EFCAB6: variants seen among roughly 807,000 people sequenced by gnomAD.
The protein encoded by EFCAB6 is EF-hand calcium binding domain 6.
EFCAB6 carries 156 observed loss-of-function variants against 169.8 expected under a neutral mutation model. The observed-to-expected ratio is 0.92, with a 90% CI of 0.81 to 1.05. The LOEUF (loss-of-function observed/expected upper bound fraction) is 1.05, where lower values mean the gene tolerates loss of function less well. Among genes scored for constraint, EFCAB6 ranks in the 50% least tolerant of loss-of-function variants. The probability of loss-of-function intolerance (pLI) is 0.00; values close to 1 mark genes in which losing one functional copy is unlikely to be tolerated. For missense variants in EFCAB6, 1,800 were observed against 1,829.1 expected, an observed-to-expected ratio of 0.98 and a Z score of 0.29; for synonymous variants, 698 against 676.4, an observed-to-expected ratio of 1.03 and a Z score of -0.50.
rs182427520 is a variant in EFCAB6 at position 43,760,810 on chromosome 22, G to A, written c.440+4495C>T. Reference sequence around the variant, plus strand: ...AGCAAGTAGCTAGGACCACAGGCACGCGCCACCACATGCGGCTAATTTTTG... The same window carrying A: ...AGCAAGTAGCTAGGACCACAGGCACACGCCACCACATGCGGCTAATTTTTG... On this transcript the variant is annotated intron_variant, in intron 5 of 31. Transcript: ENST00000262726. Among the ~76,000 whole-genome samples the A allele has an allele frequency of 5.3e-5, 8 of 152,208 alleles. No homozygotes were observed. The South Asian group carries it at 1.0e-3, about 20-fold the overall frequency.
chr22:43,536,992 G>A (rs114598736), intron 29 of EFCAB6: 2 of 168,318 alleles, frequency 1.2e-5, no homozygotes, highest in African/African-American at 2.4e-5. Flanking sequence ...ACATCAAAGA[G>A]TGAATGTTGA....
At chr22:43,768,886 G>C (rs2061392555) in intron 4 of EFCAB6, among the ~76,000 whole-genome samples, 1 of 152,174 alleles carries the variant, frequency 6.6e-6, no homozygotes, top group Non-Finnish European at 1.5e-5. Flanking sequence ...TTGGCATAAA[G>C]TATCACTTAA....
In EFCAB6 at chr22:43,676,621, A is replaced by C. The variant is rs185188751; in HGVS notation, c.1419+1375T>G. Among the ~76,000 whole-genome samples the C allele has an allele frequency of 3.3e-3, 501 of 152,276 alleles. 1 individual carries two copies. The highest frequency in any genetic ancestry group is 5.0e-3 in the Non-Finnish European group (339 of 68,022). On this transcript the variant is annotated intron_variant, in intron 13 of 31. Coordinates refer to ENST00000262726, the MANE Select transcript of EFCAB6 (RefSeq NM_022785.4). ...TACAATGAATTTCTGTTACTTGTGT[A>C]ATCACAAAACATTTGAATAAGTTAT...
chr22:43,663,168 A>C (rs190719692), intron 17 of EFCAB6, among the ~76,000 whole-genome samples: 3 of 152,322 alleles, frequency 2.0e-5, no homozygotes, highest in Admixed American at 1.3e-4. Flanking sequence ...CAGCAATGAC[A>C]CTCATCATCA....
chr22:43,747,715 C>T (rs1422321106), intron 6 of EFCAB6, among the ~76,000 whole-genome samples: 1 of 152,148 alleles, frequency 6.6e-6, no homozygotes, highest in East Asian at 1.9e-4. Context: ...AATTCCTAGA[C>T]TTAATGAGCC....
At chr22:43,807,698 A>T (rs1207913694) in intron 2 of EFCAB6, among the ~76,000 whole-genome samples, 3 of 152,184 alleles carry the variant, frequency 2.0e-5, no homozygotes, top group Non-Finnish European at 4.4e-5. Flanking sequence ...GGAAATTATC[A>T]CTCGACTAAA....
intron 17 of EFCAB6, among the ~76,000 whole-genome samples, chr22:43,660,211 C>T (rs571160138): frequency 6.6e-6 from 1 of 152,336 alleles, no homozygotes; most frequent in South Asian, 2.1e-4. Context: ...CTCAATTTAA[C>T]TAATCTTAGC....
At chr22:43,782,437 A>ATT in intron 2 of EFCAB6, 112 bp from the exon 3 acceptor site, 1 of 881,332 alleles carries the variant, frequency 1.1e-6, no homozygotes, top group Non-Finnish European at 1.7e-6. Context: ...TGTAAAAATG[A>ATT]TGCTAGTCAT....
chr22:43,737,064 C>A (rs1348670692), intron 6 of EFCAB6, among the ~76,000 whole-genome samples: 1 of 152,082 alleles, frequency 6.6e-6, no homozygotes, highest in East Asian at 1.9e-4. Flanking sequence ...ACTCCCTCCT[C>A]CCCTCTGCCC....
intron 2 of EFCAB6, chr22:43,802,669 GA>G: frequency 7.9e-6 from 4 of 503,278 alleles, no homozygotes; most frequent in South Asian, 2.9e-5. Flanking sequence ...TACACAAAGG[GA>G]AAAAGGGAAA....
chr22:43,806,853 T>C (rs770724719), intron 2 of EFCAB6, among the ~76,000 whole-genome samples: 2 of 152,242 alleles, frequency 1.3e-5, no homozygotes, highest in Non-Finnish European at 1.5e-5. Context: ...TTAAGTCTTA[T>C]AGGTGTGCTT....
chr22:43,574,977 A>G (rs752683078), intron 26 of EFCAB6, among the ~76,000 whole-genome samples: 10 of 152,192 alleles, frequency 6.6e-5, no homozygotes, highest in East Asian at 1.9e-4. Flanking sequence ...GAAGCTGAAC[A>G]TGGACCCGCC....
At chr22:43,644,422 T>C (rs1179298150) in intron 17 of EFCAB6, among the ~76,000 whole-genome samples, 1 of 152,216 alleles carries the variant, frequency 6.6e-6, no homozygotes, top group East Asian at 1.9e-4. Context: ...TTTGGTAAAA[T>C]GCTATGACCA....
intron 17 of EFCAB6, among the ~76,000 whole-genome samples, chr22:43,640,692 T>G (rs2055737975): frequency 6.6e-6 from 1 of 152,226 alleles, no homozygotes. Context: ...ATTCCCATCT[T>G]CAGGAGTTGA....
chr22:43,652,543 A>C (rs1018348694), intron 17 of EFCAB6, among the ~76,000 whole-genome samples: 1 of 152,192 alleles, frequency 6.6e-6, no homozygotes, highest in Non-Finnish European at 1.5e-5. Context: ...GTTAAAAAAA[A>C]CAAATGCTAA....
intron 10 of EFCAB6, among the ~76,000 whole-genome samples, chr22:43,691,434 TTACA>T (rs1163754424): frequency 1.3e-5 from 2 of 152,086 alleles, no homozygotes; most frequent in Non-Finnish European, 2.9e-5. Context: ...TCACTTAGTA[TTACA>T]TACTAAAATA....
At position 43,711,615 on chromosome 22, in the gene EFCAB6, C is replaced by T; in HGVS notation, c.891G>A (p.Lys297=). The T allele has an allele frequency of 6.3e-7, 1 of 1,580,078 alleles. No homozygotes were observed. Among genetic ancestry groups the T allele is most frequent in the Non-Finnish European group, 8.5e-7 (1 of 1,171,752 alleles). ...GGGCCTTTTCAACCTTTTCATAAGACTTCGAAAGCTGCAATAAATTGAAAT... is the reference window on the plus strand; with the variant it reads ...GGGCCTTTTCAACCTTTTCATAAGATTTCGAAAGCTGCAATAAATTGAAAT... ...IERNFCLQLS[K]SYEKVEKALS... Residue 297 remains lysine, a synonymous_variant, in exon 10 of 32, where the codon AAG becomes AAA. Coordinates refer to ENST00000262726, the MANE Select transcript of EFCAB6 (RefSeq NM_022785.4).
Position 43,802,410 on chromosome 22 carries a change from A to G in EFCAB6, c.-8+6585T>C, listed in dbSNP as rs149701877. ...CCAGGCATGGTGGGGAGTGCCTGTA[A>G]TCCCAGCTACTCAGGGAGGCTGAAG... On this transcript the variant is annotated intron_variant, in intron 2 of 31. Transcript: ENST00000262726. 1,423 of 206,174 alleles carry G rather than the reference A, an allele frequency of 6.9e-3. 22 individuals carry two copies. The highest frequency in any genetic ancestry group is 0.031 in the African/African-American group (1,340 of 42,550). 12.8% of individuals were successfully genotyped at this position (206,174 alleles called of 1,614,324 possible).
chr22:43,615,738 T>C, intron 21 of EFCAB6, 88 bp downstream of exon 21: 3 of 1,152,022 alleles, frequency 2.6e-6, no homozygotes, highest in Non-Finnish European at 3.7e-6. Context: ...CATCTTAGCG[T>C]CTGGATCTGA....
Sources: gnomAD v4.1 joint callset for allele counts (sites outside exome capture counted in the v4.1 genomes callset) on GRCh38, gnomAD v4.1.1 for gene constraint, MANE v1.5 for transcripts, NCBI Gene and HGNC (gene_info 2026-07-23, HGNC 2026-07-21) for gene names.